The following GPC5 variants were observed in gnomAD, a reference collection of about 807,000 sequenced individuals.
GPC5 encodes glypican 5.
GPC5 carries 47 observed loss-of-function variants against 53.9 expected under a neutral mutation model. The observed-to-expected ratio is 0.87, with a 90% CI of 0.69 to 1.11. The LOEUF (loss-of-function observed/expected upper bound fraction) is 1.11, where lower values mean the gene tolerates loss of function less well. GPC5 is among the 50% of genes most tolerant of loss of function. The probability of loss-of-function intolerance (pLI) is 0.00; values close to 1 mark genes in which losing one functional copy is unlikely to be tolerated. For synonymous variants in GPC5, 286 were observed against 263.3 expected, an observed-to-expected ratio of 1.09 and a Z score of -0.84; for missense variants, 748 against 713.1, an observed-to-expected ratio of 1.05 and a Z score of -0.56.
At chr13:92,037,714 T>C (rs1001949893) in intron 6 of GPC5, among the ~76,000 whole-genome samples, 2 of 152,256 alleles carry the variant, frequency 1.3e-5, no homozygotes, top group Admixed American at 6.5e-5. Flanking sequence ...AAACCAACTA[T>C]TTAAAAGCTC....
intron 7 of GPC5, among the ~76,000 whole-genome samples, chr13:92,319,563 G>A (rs867358098): frequency 6.6e-6 from 1 of 151,936 alleles, no homozygotes; most frequent in Non-Finnish European, 1.5e-5. Flanking sequence ...AGGTTGTCTG[G>A]CACATCAGCA....
At position 92,632,465 on chromosome 13, in the gene GPC5, T is replaced by TAC. The variant is rs1261825621; in HGVS notation, c.1562-233816_1562-233815insCA. 8.6e-4 allele frequency among the ~76,000 whole-genome samples: 95 copies of TAC among 110,066 alleles called. 1 individual carries two copies. Among genetic ancestry groups the TAC allele is most frequent in the African/African-American group, 3.3e-3 (91 of 27,724 alleles). 72.2% of individuals were successfully genotyped at this position (110,066 alleles called of 152,430 possible). A position where few individuals can be genotyped will look rare whatever the true frequency, so the allele number is the denominator to read the frequency against. On this transcript the variant is annotated intron_variant, in intron 7 of 7. Coordinates refer to ENST00000377067, the MANE Select transcript of GPC5 (RefSeq NM_004466.6). Reference sequence around the variant, plus strand: ...CTTTTGGAGGAGAAAATATTCCACATATATATATATATATATATATACACA... The same window carrying TAC: ...CTTTTGGAGGAGAAAATATTCCACATACATATATATATATATATATATACACA...
intron 6 of GPC5, among the ~76,000 whole-genome samples, chr13:91,954,360 G>A (rs2040054319): frequency 6.6e-6 from 1 of 152,108 alleles, no homozygotes; most frequent in Non-Finnish European, 1.5e-5. Context: ...ACAGGAATCG[G>A]TGATATATTG....
At chr13:92,258,859 C>T (rs1237364831) in intron 7 of GPC5, among the ~76,000 whole-genome samples, 2 of 152,174 alleles carry the variant, frequency 1.3e-5, no homozygotes, top group Non-Finnish European at 2.9e-5. Context: ...AGGAGGACTG[C>T]TGAAAGCCAG....
intron 7 of GPC5, among the ~76,000 whole-genome samples, chr13:92,295,399 A>AT (rs966285901): frequency 3.3e-5 from 5 of 151,678 alleles, no homozygotes; most frequent in Non-Finnish European, 7.4e-5. Context: ...TATAATTTCA[A>AT]TTTTTTAAAA....
intron 7 of GPC5, among the ~76,000 whole-genome samples, chr13:92,585,588 A>G (rs1430121761): frequency 2.0e-5 from 3 of 152,128 alleles, no homozygotes; most frequent in African/African-American, 7.2e-5. Context: ...CTGCAATGAG[A>G]TAAGACTTTC....
At chr13:92,166,976 A>T (rs998898761) in intron 7 of GPC5, among the ~76,000 whole-genome samples, 3 of 149,582 alleles carry the variant, frequency 2.0e-5, no homozygotes, top group Non-Finnish European at 3.0e-5. Flanking sequence ...ACACACACAC[A>T]CACACACACA....
intron 7 of GPC5, among the ~76,000 whole-genome samples, chr13:92,552,942 C>G (rs1441000768): frequency 1.3e-5 from 2 of 151,880 alleles, no homozygotes; most frequent in Non-Finnish European, 2.9e-5. Context: ...TTTATTCACT[C>G]TCCATGGCTG....
intron 6 of GPC5, among the ~76,000 whole-genome samples, chr13:92,111,262 C>A (rs1020410140): frequency 2.0e-5 from 3 of 152,092 alleles, no homozygotes; most frequent in African/African-American, 7.2e-5. Flanking sequence ...CTTTTATGAT[C>A]CAGAGAAGGT....
intron 5 of GPC5, among the ~76,000 whole-genome samples, chr13:91,880,607 T>C (rs1225817647): frequency 2.0e-5 from 3 of 152,154 alleles, no homozygotes; most frequent in African/African-American, 7.2e-5. Flanking sequence ...TCGTCAGACA[T>C]TTTTTGGGAA....
At chr13:92,262,882 G>T (rs1594047158) in intron 7 of GPC5, among the ~76,000 whole-genome samples, 2 of 152,124 alleles carry the variant, frequency 1.3e-5, no homozygotes, top group East Asian at 1.9e-4. Context: ...TGCTTCATTA[G>T]TTTATCCTTT....
intron 6 of GPC5, chr13:91,996,052 T>C (rs1300490864): frequency 1.3e-5 from 2 of 152,264 alleles, no homozygotes. Flanking sequence ...CCAAATGTTT[T>C]ATTACATTTA....
chr13:92,277,754 C>T (rs1395295846), intron 7 of GPC5, among the ~76,000 whole-genome samples: 1 of 151,786 alleles, frequency 6.6e-6, no homozygotes, highest in Non-Finnish European at 1.5e-5. Flanking sequence ...CAACTTGTTT[C>T]TACTTCTCTA....
chr13:92,748,887 T>A (rs1889309989), intron 7 of GPC5, among the ~76,000 whole-genome samples: 1 of 152,192 alleles, frequency 6.6e-6, no homozygotes, highest in Admixed American at 6.6e-5. Flanking sequence ...TGAAAAGGGA[T>A]GAATGAATAC....
At chr13:92,226,748 G>A (rs1232616564) in intron 7 of GPC5, among the ~76,000 whole-genome samples, 2 of 151,822 alleles carry the variant, frequency 1.3e-5, no homozygotes, top group East Asian at 3.9e-4. Flanking sequence ...ACAGGCGCTG[G>A]CCATCACACC....
At chr13:92,003,532 C>A (rs546316362) in intron 6 of GPC5, among the ~76,000 whole-genome samples, 1 of 151,382 alleles carries the variant, frequency 6.6e-6, no homozygotes, top group African/African-American at 2.4e-5. Flanking sequence ...AGTTTGAACC[C>A]AAATATAACA....
chr13:92,340,546 A>G (rs2043357616), intron 7 of GPC5: 2 of 152,284 alleles, frequency 1.3e-5, no homozygotes, highest in South Asian at 4.1e-4. Context: ...TGTTAAATAC[A>G]TTTGAAAATA....
intron 7 of GPC5, among the ~76,000 whole-genome samples, chr13:92,764,980 A>G (rs1875336976): frequency 6.6e-6 from 1 of 152,188 alleles, no homozygotes; most frequent in Non-Finnish European, 1.5e-5. Context: ...CACTTTGTGA[A>G]ATATAATTGC....
intron 7 of GPC5, among the ~76,000 whole-genome samples, chr13:92,471,033 C>T (rs761929315): frequency 8.6e-5 from 13 of 152,040 alleles, no homozygotes; most frequent in Non-Finnish European, 1.9e-4. Flanking sequence ...TGTCATGTGA[C>T]GGGAAACACA....
Sources: allele counts gnomAD v4.1 joint callset (sites outside exome capture counted in the v4.1 genomes callset), GRCh38; gene constraint gnomAD v4.1.1; transcripts MANE v1.5; gene names NCBI Gene and HGNC (gene_info 2026-07-23, HGNC 2026-07-21).